The following TENM3 variants were observed in gnomAD, a reference collection of about 807,000 sequenced individuals.
TENM3 encodes teneurin-3.
A neutral mutation model predicts 255.1 loss-of-function variants in TENM3; 63 were observed. That is an observed-to-expected ratio of 0.25 (90% CI 0.20 to 0.30). TENM3 has a LOEUF of 0.30. Among genes scored for constraint, TENM3 ranks in the 10% least tolerant of loss-of-function variants. The probability of loss-of-function intolerance (pLI) is 1.00; values close to 1 mark genes in which losing one functional copy is unlikely to be tolerated. For missense variants in TENM3, 2,929 were observed against 3,461.1 expected (o/e 0.85, Z 3.86); for synonymous variants, 1,306 against 1,322.3 (o/e 0.99, Z 0.27).
chr4:181,682,625 G>T, the TENM3 span, among the ~76,000 whole-genome samples: 4 of 152,104 alleles, frequency 2.6e-5, no homozygotes, highest in Non-Finnish European at 5.9e-5. Flanking sequence ...TTCATCTATT[G>T]GATTGACTTG....
intron 3 of TENM3, among the ~76,000 whole-genome samples, chr4:182,363,777 C>A (rs533666485): frequency 1.3e-5 from 2 of 152,094 alleles, no homozygotes; most frequent in South Asian, 4.2e-4. Flanking sequence ...TAAGACTAAA[C>A]TGGCTAATAT....
At chr4:181,736,169 G>C in the TENM3 span, among the ~76,000 whole-genome samples, 1 of 152,026 alleles carries the variant, frequency 6.6e-6, no homozygotes. Context: ...GTGGTGGCAC[G>C]TGCCTGTAGT....
At chr4:182,140,987 CCCT>C (rs201172512), upstream of TENM3, among the ~76,000 whole-genome samples, 12,742 of 113,736 alleles carry the variant, frequency 0.11, 725 homozygotes, top group South Asian at 0.2. Context: ...CCCATTATAT[CCCT>C]CCCCCCCGCC....
intron 3 of TENM3, among the ~76,000 whole-genome samples, chr4:182,445,194 G>A (rs1772818459): frequency 6.6e-6 from 1 of 152,114 alleles, no homozygotes; most frequent in South Asian, 2.1e-4. Flanking sequence ...CATCAAACCT[G>A]GAACTGTGTT....
At chr4:182,183,116 T>A (rs147914457) in intron 1 of TENM3, among the ~76,000 whole-genome samples, 16 of 152,310 alleles carry the variant, frequency 1.1e-4, no homozygotes, top group African/African-American at 3.6e-4. Flanking sequence ...ACAGTTAATT[T>A]ATATTAGCAA....
chr4:181,644,983 T>C, the TENM3 span, among the ~76,000 whole-genome samples: 3 of 152,204 alleles, frequency 2.0e-5, no homozygotes, highest in South Asian at 2.1e-4. Context: ...CCCTAGACCA[T>C]GTACATGATG....
intron 3 of TENM3, among the ~76,000 whole-genome samples, chr4:182,400,171 A>G (rs1200219933): frequency 6.6e-6 from 1 of 152,108 alleles, no homozygotes; most frequent in Non-Finnish European, 1.5e-5. Context: ...ATTTAATGAA[A>G]GCTTATTTGG....
At chr4:181,863,407 G>A in the TENM3 span, among the ~76,000 whole-genome samples, 2 of 152,094 alleles carry the variant, frequency 1.3e-5, no homozygotes, top group South Asian at 2.1e-4. Context: ...ATGAAGAAAC[G>A]CTCCATTGGT....
At chr4:181,915,786 G>T in the TENM3 span, among the ~76,000 whole-genome samples, 1 of 151,940 alleles carries the variant, frequency 6.6e-6, no homozygotes, top group African/African-American at 2.4e-5. Context: ...GGGAGCCAGA[G>T]GTAGTCCAGT....
the TENM3 span, among the ~76,000 whole-genome samples, chr4:181,861,120 A>G: frequency 2.0e-5 from 3 of 152,206 alleles, no homozygotes; most frequent in African/African-American, 7.2e-5. Flanking sequence ...TAAAGCTTGA[A>G]AATACGTTAT....
chr4:182,013,546 A>G, the TENM3 span, among the ~76,000 whole-genome samples: 1 of 152,172 alleles, frequency 6.6e-6, no homozygotes, highest in South Asian at 2.1e-4. Flanking sequence ...AGCACCGCTT[A>G]CTAATCCAGG....
chr4:181,581,769 A>T, the TENM3 span, among the ~76,000 whole-genome samples: 1 of 148,468 alleles, frequency 6.7e-6, no homozygotes, highest in African/African-American at 2.5e-5. Context: ...GTCTCCCTCT[A>T]TTGCCCAGGC....
intron 13 of TENM3, among the ~76,000 whole-genome samples, chr4:182,718,902 G>A (rs977668133): frequency 6.6e-5 from 10 of 152,158 alleles, no homozygotes; most frequent in South Asian, 4.1e-4. Context: ...GCAATAGCTC[G>A]CCAGAGATAA....
chr4:182,069,131 T>C, the TENM3 span, among the ~76,000 whole-genome samples: 2 of 152,306 alleles, frequency 1.3e-5, no homozygotes, highest in East Asian at 1.9e-4. Flanking sequence ...ACTAGTTCCA[T>C]GCCAGTAATA....
intron 7 of TENM3, among the ~76,000 whole-genome samples, chr4:182,676,458 A>G (rs1032754205): frequency 7.9e-5 from 12 of 151,282 alleles, no homozygotes; most frequent in Non-Finnish European, 1.5e-5. Context: ...TGGTAAAATG[A>G]AAGAGTTGGA....
chr4:181,961,414 G>C, the TENM3 span, among the ~76,000 whole-genome samples: 1 of 152,072 alleles, frequency 6.6e-6, no homozygotes, highest in Non-Finnish European at 1.5e-5. Flanking sequence ...TATAGTTTTT[G>C]TGGTTTTTTG....
chr4:181,553,914 C>T, the TENM3 span, among the ~76,000 whole-genome samples: 3 of 152,098 alleles, frequency 2.0e-5, no homozygotes, highest in Non-Finnish European at 2.9e-5. Flanking sequence ...CTCCATCCCC[C>T]CGCTCTCTGA....
chr4:182,462,753 G>C (rs896305808), intron 3 of TENM3, among the ~76,000 whole-genome samples: 3 of 151,798 alleles, frequency 2.0e-5, no homozygotes, highest in African/African-American at 7.3e-5. Context: ...TGGGTGTGGT[G>C]GTGGGCGCCT....
At chr4:181,901,762 A>G in the TENM3 span, among the ~76,000 whole-genome samples, 3 of 152,180 alleles carry the variant, frequency 2.0e-5, no homozygotes, top group East Asian at 3.9e-4. Flanking sequence ...TGTTTAGTGT[A>G]AAGTTATGGA....
Sources: allele counts gnomAD v4.1 joint callset (sites outside exome capture counted in the v4.1 genomes callset), GRCh38; gene constraint gnomAD v4.1.1; transcripts MANE v1.5; gene names NCBI Gene and HGNC (gene_info 2026-07-23, HGNC 2026-07-21).